The following KLHDC4 variants were observed in gnomAD, a reference collection of about 807,000 sequenced individuals.
KLHDC4 encodes the protein kelch domain containing 4, also known as kelch domain-containing protein 4.
KLHDC4 carries 90 observed loss-of-function variants against 62.4 expected under a neutral mutation model. The observed-to-expected ratio is 1.44, with a 90% CI of 1.22 to 1.72. The LOEUF is 1.72. Among genes scored for constraint, KLHDC4 ranks in the 40% most tolerant of loss-of-function variants. The pLI is 0.00. For missense variants in KLHDC4, 1,025 were observed against 699.7 expected (o/e 1.47, Z -5.25); for synonymous variants, 386 against 284.4 (o/e 1.36, Z -3.59).
intron 1 of KLHDC4, chr16:87,765,074 G>C (rs1028418101): frequency 1.5e-5 from 7 of 455,254 alleles, no homozygotes; most frequent in Non-Finnish European, 2.2e-5. Context: ...ACCTGCTCGT[G>C]AGGAGTAAAG....
chr16:87,698,699 G>A (rs530558531), exon 1 of KLHDC4: 5 of 152,350 alleles, frequency 3.3e-5, no homozygotes, highest in Admixed American at 1.3e-4. Flanking sequence ...TGAGAGAATC[G>A]AATCTTTAAT....
At chr16:87,763,885 G>A (rs544230066) in intron 1 of KLHDC4, among the ~76,000 whole-genome samples, 4 of 152,290 alleles carry the variant, frequency 2.6e-5, no homozygotes. Context: ...CTGAAAAGAC[G>A]ACTCAGACGG....
intron 5 of KLHDC4, among the ~76,000 whole-genome samples, chr16:87,734,085 C>A: frequency 6.6e-6 from 1 of 152,218 alleles, no homozygotes; most frequent in East Asian, 1.9e-4. Flanking sequence ...GTGGCTCACG[C>A]CTGTCATCCC....
At chr16:87,698,374 G>A (rs1452028983) in exon 1 of KLHDC4, 1 of 88,742 alleles carries the variant, frequency 1.1e-5, no homozygotes, top group Non-Finnish European at 2.0e-5. Context: ...CCTGCTCTGT[G>A]CAGCTCTCAG....
chr16:87,731,713 C>T (rs143875986), intron 5 of KLHDC4, among the ~76,000 whole-genome samples: 12 of 152,260 alleles, frequency 7.9e-5, no homozygotes, highest in African/African-American at 2.9e-4. Context: ...AAGACATGGA[C>T]TCAAGAGAAA....
intron 8 of KLHDC4, 98 bp downstream of exon 8, chr16:87,714,400 G>C: frequency 1.3e-6 from 2 of 1,546,038 alleles, no homozygotes; most frequent in Non-Finnish European, 1.7e-6. Context: ...AGGGTGCAGG[G>C]GCTCACCGCC....
chr16:87,763,868 C>A (rs1241236913), intron 1 of KLHDC4, among the ~76,000 whole-genome samples: 1 of 152,156 alleles, frequency 6.6e-6, no homozygotes, highest in African/African-American at 2.4e-5. Flanking sequence ...TGACAATAAG[C>A]TGAATGCTGA....
intron 5 of KLHDC4, among the ~76,000 whole-genome samples, chr16:87,731,489 A>G (rs1489776363): frequency 1.3e-5 from 2 of 152,060 alleles, no homozygotes; most frequent in Admixed American, 6.6e-5. Context: ...AGGCCAATGA[A>G]AAAAGGAAAG....
At position 87,726,896 on chromosome 16, in the gene KLHDC4, C is replaced by A. The variant is rs781517735; in HGVS notation, c.628G>T (p.Ala210Ser). ...RDYIYYNDVY[A>S]FNLDTFTWSK... ...CATGTGAAGGTGTCCAGATTAAAGG[C>A]ATACACGTCGTTGTAGTAGATGTAA... Residue 210 changes from alanine to serine, a missense_variant, in exon 7 of 12, where the codon GCC becomes TCC. Physicochemically the swap from Ala to Ser is moderately conservative, Grantham distance 99. Transcript: ENST00000270583. The A allele has an allele frequency of 2.5e-6, 4 of 1,613,950 alleles. No individual in the cohort carries two copies. Among genetic ancestry groups the A allele is most frequent in the Non-Finnish European group, 3.4e-6 (4 of 1,179,944 alleles).
Position 87,709,317 on chromosome 16 carries a change from G to A in KLHDC4, c.1395C>T (p.Cys465=). 5 of 1,613,286 alleles carry A rather than the reference G, an allele frequency of 3.1e-6. No homozygotes were observed. Among genetic ancestry groups the A allele is most frequent in the Non-Finnish European group, 4.2e-6 (5 of 1,179,946 alleles). The change falls in exon 10 of 12, where the codon TGC becomes TGT. Residue 465 remains cysteine, a synonymous_variant. Coordinates refer to ENST00000270583, the MANE Select transcript of KLHDC4 (RefSeq NM_017566.4). The part of the protein sequence containing the change: ...DRQVTLSDLH[C]LDLHRMEAWK... ...ACGCCTCCATCCTGTGCAGGTCCAG[G>A]CAGTGCAGGTCGCTGAGGGTGACCT...
chr16:87,765,318 C>A (rs1402006324), intron 1 of KLHDC4: 1 of 456,506 alleles, frequency 2.2e-6, no homozygotes, highest in South Asian at 1.5e-5. Flanking sequence ...CTGCTCAGGG[C>A]TGCTGTGATG....
rs150215068 is a variant in KLHDC4 at position 87,743,609 on chromosome 16, G to A, written c.506+5064C>T. Among the ~76,000 whole-genome samples, 755 of 150,584 alleles carry A rather than the reference G, an allele frequency of 5.0e-3. 5 individuals carry two copies. Among genetic ancestry groups the A allele is most frequent in the African/African-American group, 0.016 (667 of 41,050 alleles). On this transcript the variant is annotated intron_variant, in intron 5 of 11. Transcript: ENST00000270583. Reference sequence around the variant, plus strand: ...CAAAATATTAGCCAGGCGTGGTGGCGGGCGCCTGTAGTCCCAGCTACTCGG... The same window carrying A: ...CAAAATATTAGCCAGGCGTGGTGGCAGGCGCCTGTAGTCCCAGCTACTCGG...
At chr16:87,748,958 T>C in intron 4 of KLHDC4, 149 bp from the exon 5 acceptor site, 1 of 860,382 alleles carries the variant, frequency 1.2e-6, no homozygotes, top group Non-Finnish European at 1.7e-6. Context: ...CTCTCCTGCC[T>C]CTAAGGGGAG....
chr16:87,747,173 G>A (rs1396518111), intron 5 of KLHDC4, among the ~76,000 whole-genome samples: 1 of 152,230 alleles, frequency 6.6e-6, no homozygotes, highest in Admixed American at 6.5e-5. Context: ...AGTCACCACA[G>A]AGTCACCACA....
chr16:87,764,719 C>A (rs1013022178), intron 1 of KLHDC4, among the ~76,000 whole-genome samples: 1 of 147,454 alleles, frequency 6.8e-6, no homozygotes, highest in African/African-American at 2.5e-5. Context: ...TTACTTTCTG[C>A]CAAGCACCAT....
At chr16:87,752,089 C>CAA (rs1173625123) in intron 4 of KLHDC4, among the ~76,000 whole-genome samples, 1,348 of 29,412 alleles carry the variant, frequency 0.046, 131 homozygotes, top group African/African-American at 0.083. Flanking sequence ...GACTTTGTCT[C>CAA]AAAAAAAAAA....
intron 5 of KLHDC4, among the ~76,000 whole-genome samples, chr16:87,737,351 GC>G (rs1358267229): frequency 6.6e-6 from 1 of 152,018 alleles, no homozygotes; most frequent in African/African-American, 2.4e-5. Flanking sequence ...ACTTTGGGAG[GC>G]CAAAGCAGCC....
At chr16:87,765,715 C>A (rs2046561335) in intron 1 of KLHDC4, 77 bp downstream of exon 1, 2 of 1,408,950 alleles carry the variant, frequency 1.4e-6, no homozygotes, top group Non-Finnish European at 9.6e-7. Flanking sequence ...CGACCCGTAA[C>A]CCCGGGGGGC....
intron 2 of KLHDC4, among the ~76,000 whole-genome samples, chr16:87,758,901 C>T (rs1349529739): frequency 6.6e-6 from 1 of 151,918 alleles, no homozygotes; most frequent in Non-Finnish European, 1.5e-5. Context: ...TTTGGCCAGG[C>T]GCATTGGCTC....
Sources: allele counts gnomAD v4.1 joint callset (sites outside exome capture counted in the v4.1 genomes callset), GRCh38; gene constraint gnomAD v4.1.1; transcripts MANE v1.5; gene names NCBI Gene and HGNC (gene_info 2026-07-23, HGNC 2026-07-21).